Variants in RIMS1 observed in about 807,000 individuals in gnomAD.
RIMS1 encodes the protein regulating synaptic membrane exocytosis 1.
In RIMS1, 83 loss-of-function variants were observed where a neutral mutation model predicts 214.1. The ratio of observed to expected loss-of-function variants is 0.39; its 90% CI spans 0.32 to 0.47. The LOEUF (loss-of-function observed/expected upper bound fraction) is 0.47. RIMS1 is among the 20% of genes least tolerant of loss of function. RIMS1 has a pLI of 0.99. For synonymous variants in RIMS1, 793 were observed against 786.8 expected, an observed-to-expected ratio of 1.01 and a Z score of -0.13; for missense variants, 2,050 against 2,161.8, an observed-to-expected ratio of 0.95 and a Z score of 1.03.
intron 28 of RIMS1, among the ~76,000 whole-genome samples, chr6:72,315,692 C>T (rs538173573): frequency 5.5e-4 from 82 of 149,532 alleles, no homozygotes; most frequent in African/African-American, 1.9e-3. Context: ...TGCAGCAGTA[C>T]ACACACACAC....
intron 9 of RIMS1, among the ~76,000 whole-genome samples, chr6:72,239,785 C>G (rs1206523403): frequency 6.6e-6 from 1 of 152,142 alleles, no homozygotes; most frequent in African/African-American, 2.4e-5. Flanking sequence ...GCTCTGTAGC[C>G]TTGTCCTCTA....
intron 2 of RIMS1, among the ~76,000 whole-genome samples, chr6:72,092,401 T>C (rs1345373778): frequency 2.0e-5 from 3 of 151,942 alleles, no homozygotes; most frequent in African/African-American, 7.3e-5. Context: ...GGACTTTTTC[T>C]TCCAGAGCAG....
At chr6:72,081,530 G>T (rs181300540) in intron 2 of RIMS1, among the ~76,000 whole-genome samples, 6 of 152,222 alleles carry the variant, frequency 3.9e-5, no homozygotes, top group Admixed American at 1.3e-4. Context: ...TGTGATTAGT[G>T]AAAGCATTAT....
At chr6:72,036,429 CATGCCCAAGGACT>C (rs1819637924) in intron 2 of RIMS1, among the ~76,000 whole-genome samples, 2 of 152,080 alleles carry the variant, frequency 1.3e-5, no homozygotes, top group African/African-American at 2.4e-5. Flanking sequence ...TTCATTCATT[CATGCCCAAGGACT>C]ATGCAAGGCA....
chr6:72,368,090 G>A (rs950929417), intron 29 of RIMS1, among the ~76,000 whole-genome samples: 11 of 151,962 alleles, frequency 7.2e-5, no homozygotes, highest in Admixed American at 7.2e-4. Flanking sequence ...TGTCTTAAAA[G>A]GAATCTTAAC....
chr6:72,175,646 C>T (rs1426613022), intron 4 of RIMS1, among the ~76,000 whole-genome samples: 1 of 150,576 alleles, frequency 6.6e-6, no homozygotes, highest in Non-Finnish European at 1.5e-5. Context: ...GAACTCCAGC[C>T]TGGGCAACAG....
intron 15 of RIMS1, among the ~76,000 whole-genome samples, chr6:72,251,591 C>T (rs2073349149): frequency 6.6e-6 from 1 of 152,080 alleles, no homozygotes; most frequent in African/African-American, 2.4e-5. Flanking sequence ...AGCCAAAAAC[C>T]TCTGAATTAA....
intron 16 of RIMS1, 102 bp downstream of exon 16, chr6:72,252,934 C>A (rs530901494): frequency 1.1e-5 from 9 of 805,768 alleles, no homozygotes; most frequent in Non-Finnish European, 1.9e-5. Context: ...AGATTTATAG[C>A]ACAGAGAAAT....
Position 71,998,388 on chromosome 6 carries a change from G to A in RIMS1, c.245+29325G>A, listed in dbSNP as rs190406712. On this transcript the variant is annotated intron_variant, in intron 2 of 33. Coordinates refer to ENST00000521978, the MANE Select transcript of RIMS1 (RefSeq NM_014989.7). ...CAGCGCTAGAGCAGCACTGTTTCTC[G>A]CGCCTCTTCCTTGTGCTGTGCTATT... Among the ~76,000 whole-genome samples, 9 of 152,058 alleles carry A rather than the reference G, an allele frequency of 5.9e-5. No individual in the cohort carries two copies. In the South Asian group the frequency reaches 1.0e-3, roughly 18 times the overall value.
intron 29 of RIMS1, among the ~76,000 whole-genome samples, chr6:72,382,223 A>C (rs1478228900): frequency 6.6e-6 from 1 of 152,220 alleles, no homozygotes. Flanking sequence ...TCTAAAAATA[A>C]TCCTCCAACC....
chr6:72,339,458 A>G (rs1349315940), intron 29 of RIMS1, among the ~76,000 whole-genome samples: 1 of 144,792 alleles, frequency 6.9e-6, no homozygotes, highest in Non-Finnish European at 1.5e-5. Context: ...AACAGTCCCC[A>G]GTGTGTGATG....
intron 2 of RIMS1, among the ~76,000 whole-genome samples, chr6:71,978,367 A>T (rs1211419717): frequency 3.3e-5 from 5 of 152,146 alleles, no homozygotes; most frequent in Non-Finnish European, 7.4e-5. Context: ...TTGAATAAAA[A>T]TTGAAAGACT....
intron 2 of RIMS1, among the ~76,000 whole-genome samples, chr6:71,994,082 G>A (rs1802676178): frequency 1.3e-5 from 2 of 152,166 alleles, no homozygotes; most frequent in South Asian, 4.1e-4. Context: ...GATCAGTGAT[G>A]GTTATAGTTT....
At chr6:72,101,575 A>C (rs951381558) in intron 4 of RIMS1, among the ~76,000 whole-genome samples, 4 of 151,854 alleles carry the variant, frequency 2.6e-5, no homozygotes, top group African/African-American at 9.7e-5. Context: ...TATAATTTAC[A>C]TGTGTGTGGT....
Position 72,051,262 on chromosome 6 carries a change from C to T in RIMS1, c.246-45687C>T, listed in dbSNP as rs1330348957. 5.3e-5 allele frequency among the ~76,000 whole-genome samples: 8 copies of T among 152,212 alleles called. No individual in the cohort carries two copies. In the East Asian group the frequency reaches 1.2e-3, roughly 22 times the overall value. On this transcript the variant is annotated intron_variant, in intron 2 of 33. Coordinates refer to ENST00000521978, the MANE Select transcript of RIMS1 (RefSeq NM_014989.7). The stretch of plus-strand genomic sequence containing the variant: ...GAAATTTTAGGGTTTTCTTCCTCAA[C>T]TTTTCTTTTATCAAGGCACCATCTT...
intron 1 of RIMS1, among the ~76,000 whole-genome samples, chr6:71,931,073 A>G (rs1782887682): frequency 6.6e-6 from 1 of 152,060 alleles, no homozygotes; most frequent in Non-Finnish European, 1.5e-5. Flanking sequence ...TATAACTGCT[A>G]TTTAAAACAC....
rs553795837 is a variant in RIMS1, at chr6:72,317,174, C to T, written c.4130+3502C>T. 1.8e-5 allele frequency: 6 copies of T among 334,628 alleles called. No homozygotes were observed. The South Asian group carries it at 1.9e-4, about 11-fold the overall frequency. 20.7% of individuals were successfully genotyped at this position (334,628 alleles called of 1,614,324 possible). A position where few individuals can be genotyped will look rare whatever the true frequency, so the allele number is the denominator to read the frequency against. On this transcript the variant is annotated intron_variant, in intron 28 of 33. Coordinates refer to ENST00000521978, the MANE Select transcript of RIMS1 (RefSeq NM_014989.7). ...GACCAGGGTGCCCCCTCCCCAGAGT[C>T]CCCTAGCAGGGACTTGATGCTGAAG...
intron 2 of RIMS1, among the ~76,000 whole-genome samples, chr6:72,052,563 G>T (rs1825001157): frequency 6.6e-6 from 1 of 152,130 alleles, no homozygotes; most frequent in Non-Finnish European, 1.5e-5. Context: ...AAGCATGGTG[G>T]ACTGTAAATA....
At chr6:71,898,826 C>T (rs1327202252) in intron 1 of RIMS1, among the ~76,000 whole-genome samples, 1 of 152,152 alleles carries the variant, frequency 6.6e-6, no homozygotes, top group African/African-American at 2.4e-5. Flanking sequence ...AGGGATAAGA[C>T]TCCAGGTCTT....
Sources: allele counts gnomAD v4.1 joint callset (sites outside exome capture counted in the v4.1 genomes callset), GRCh38; gene constraint gnomAD v4.1.1; transcripts MANE v1.5; gene names NCBI Gene and HGNC (gene_info 2026-07-23, HGNC 2026-07-21).